C12orf43: variants seen among roughly 807,000 people sequenced by gnomAD.
C12orf43 encodes protein CUSTOS.
Under a neutral mutation model 20.6 loss-of-function variants are expected in C12orf43, and 15 were observed. That is an observed-to-expected ratio of 0.73 (90% CI 0.49 to 1.12). The LOEUF (loss-of-function observed/expected upper bound fraction) is 1.12, where lower values mean the gene tolerates loss of function less well. Ranked by LOEUF, C12orf43 falls within the 50% of genes most tolerant of loss-of-function variation. C12orf43 has a pLI of 0.00. For missense variants in C12orf43, 334 were observed against 344.4 expected (o/e 0.97, Z 0.24); for synonymous variants, 144 against 130.8 (o/e 1.10, Z -0.69).
In C12orf43 at chr12:121,004,234, T is replaced by C. The variant is rs1399941610; in HGVS notation, c.708A>G (p.Lys236=). Residue 236 remains lysine, a synonymous_variant, in exon 6 of 6, where the codon AAA becomes AAG. Transcript: ENST00000288757. This position sits in a 1 kb window ranked among gnomAD's most constrained non-coding sequence, Gnocchi z 5.6. ...LNGDQVSLGT[K]KKKKAKKASE... is the part of the protein sequence containing the mutation. The stretch of plus-strand genomic sequence containing the variant: ...TGGCCTTCTTTGCCTTTTTCTTCTT[T>C]TTGGTCCCAAGCGACACCTGGTCCC... 2 of 1,614,108 alleles carry C rather than the reference T, an allele frequency of 1.2e-6. No individual in the cohort carries two copies. Among genetic ancestry groups the C allele is most frequent in the African/African-American group, 2.7e-5 (2 of 74,928 alleles).
Position 121,004,933 on chromosome 12 carries a change from T to C in C12orf43, c.452+70A>G. On this transcript the variant is annotated intron_variant, in intron 5 of 5. Coordinates refer to ENST00000288757, the MANE Select transcript of C12orf43 (RefSeq NM_022895.3). This position sits in a 1 kb window ranked among gnomAD's most constrained non-coding sequence, Gnocchi z 5.6. ...GTCCTGACTGGAGTCTGCTTGGCTA[T>C]TCCAGGGAACCCACCAAGACAGAAG... The C allele has an allele frequency of 8.3e-7, 1 of 1,200,002 alleles. No homozygotes were observed. Among genetic ancestry groups the C allele is most frequent in the Non-Finnish European group, 1.1e-6 (1 of 894,654 alleles). The allele number at this position is 1,200,002 out of a possible 1,614,324, so 74.3% of individuals were successfully genotyped here.
Position 121,014,503 on chromosome 12 carries a change from G to A in C12orf43, c.145+1827C>T, listed in dbSNP as rs1157364207. On this transcript the variant is annotated intron_variant, in intron 1 of 5. Transcript: ENST00000288757. ...AAATTAGCTGGGCGTGGTGGCAGGCGCCTGTAATCCCAGCTACTAGGGAGG... is the reference window on the plus strand; with the variant it reads ...AAATTAGCTGGGCGTGGTGGCAGGCACCTGTAATCCCAGCTACTAGGGAGG... 3.4e-5 allele frequency among the ~76,000 whole-genome samples: 5 copies of A among 148,598 alleles called. No individual in the cohort carries two copies. The South Asian group carries it at 1.1e-3, about 32-fold the overall frequency.
At chr12:121,015,742 C>T (rs1868839410) in intron 1 of C12orf43, among the ~76,000 whole-genome samples, 1 of 152,154 alleles carries the variant, frequency 6.6e-6, no homozygotes, top group Non-Finnish European at 1.5e-5. Context: ...GATAAAGTAA[C>T]GGCATTGCCA....
At chr12:121,014,416 G>T (rs1393498551) in intron 1 of C12orf43, among the ~76,000 whole-genome samples, 2 of 151,354 alleles carry the variant, frequency 1.3e-5, no homozygotes, top group Non-Finnish European at 2.9e-5. Context: ...ATTGCCTGAG[G>T]TCTGGAGTTT....
intron 3 of C12orf43, among the ~76,000 whole-genome samples, chr12:121,010,355 T>C (rs983876079): frequency 6.6e-6 from 1 of 152,158 alleles, no homozygotes; most frequent in Non-Finnish European, 1.5e-5. Flanking sequence ...CAGACGCACT[T>C]GGGTTTGAGG....
intron 1 of C12orf43, among the ~76,000 whole-genome samples, chr12:121,012,849 T>TAAAAAA (rs10636003): frequency 0.056 from 5,096 of 91,212 alleles, 370 homozygotes; most frequent in Non-Finnish European, 0.084. Flanking sequence ...AGACTCCGTC[T>TAAAAAA]AAAAAAAAAA....
At chr12:121,014,415 G>C (rs1353881404) in intron 1 of C12orf43, among the ~76,000 whole-genome samples, 1 of 151,308 alleles carries the variant, frequency 6.6e-6, no homozygotes, top group African/African-American at 2.4e-5. Flanking sequence ...GATTGCCTGA[G>C]GTCTGGAGTT....
intron 1 of C12orf43, chr12:121,012,360 GC>G (rs1486612080): frequency 1.4e-6 from 1 of 701,782 alleles, no homozygotes; most frequent in Non-Finnish European, 2.6e-6. Flanking sequence ...CCTGACGTGG[GC>G]CAATGGGAGG....
In C12orf43 at chr12:121,000,926, G is replaced by A. The variant is rs1592900357; in HGVS notation, c.*3227C>T. On this transcript the variant is annotated 3_prime_UTR_variant, in exon 6 of 6. Coordinates refer to ENST00000288757, the MANE Select transcript of C12orf43 (RefSeq NM_022895.3). Reference sequence around the variant, plus strand: ...CCTTTGAAGAACCGAGGGTAGAGGTGTGACTTTGGGGTTCCTGTTATCTGC... The same window carrying A: ...CCTTTGAAGAACCGAGGGTAGAGGTATGACTTTGGGGTTCCTGTTATCTGC... The A allele has an allele frequency of 1.6e-6, 2 of 1,225,134 alleles. No individual in the cohort carries two copies. Among genetic ancestry groups the A allele is most frequent in the East Asian group, 2.4e-5 (1 of 41,664 alleles). The allele number at this position is 1,225,134 out of a possible 1,614,324, so 75.9% of individuals were successfully genotyped here. A position where few individuals can be genotyped will look rare whatever the true frequency, so the allele number is the denominator to read the frequency against.
chr12:121,015,067 G>A (rs1045475278), intron 1 of C12orf43, among the ~76,000 whole-genome samples: 1 of 152,164 alleles, frequency 6.6e-6, no homozygotes, highest in African/African-American at 2.4e-5. Context: ...GATGTGCCAA[G>A]CACTGTAGAT....
At position 121,001,008 on chromosome 12, in the gene C12orf43, AGGTGGGGTG is replaced by A; in HGVS notation, c.*3136_*3144del. On this transcript the variant is annotated 3_prime_UTR_variant, in exon 6 of 6. Transcript: ENST00000288757. ...ATCCTGAGTACCCCTAGGGACAGGC[AGGTGGGGTG>A]GGTGTGGGTGCCTGGTGGGTGGCTA... is the stretch of plus-strand genomic sequence containing the variant. 1 of 1,607,740 alleles carries A rather than the reference AGGTGGGGTG, an allele frequency of 6.2e-7. No individual in the cohort carries two copies. Among genetic ancestry groups the A allele is most frequent in the Non-Finnish European group, 8.5e-7 (1 of 1,178,780 alleles).
chr12:121,012,940 C>T (rs1868531729), intron 1 of C12orf43, among the ~76,000 whole-genome samples: 2 of 149,636 alleles, frequency 1.3e-5, no homozygotes, highest in Admixed American at 1.3e-4. Context: ...AAAGTTAGCT[C>T]TGAGGTTTCT....
At chr12:121,008,337 G>A (rs1223694505) in intron 3 of C12orf43, among the ~76,000 whole-genome samples, 1 of 152,158 alleles carries the variant, frequency 6.6e-6, no homozygotes, top group Non-Finnish European at 1.5e-5. Flanking sequence ...GTCTCACCAT[G>A]TTGGCCAGGC....
In C12orf43 at chr12:121,002,448, G is replaced by A; in HGVS notation, c.*1705C>T. On this transcript the variant is annotated 3_prime_UTR_variant, in exon 6 of 6. Transcript: ENST00000288757. ...GACCCGGCACCCCCTGCAGCTTGTA[G>A]CCAGCCGGGGCGAGTGGCACGTTTA... is the stretch of plus-strand genomic sequence containing the variant. 1 of 530,286 alleles carries A rather than the reference G, an allele frequency of 1.9e-6. No homozygotes were observed. Among genetic ancestry groups the A allele is most frequent in the Non-Finnish European group, 3.7e-6 (1 of 272,846 alleles). 32.8% of individuals were successfully genotyped at this position (530,286 alleles called of 1,614,324 possible). A position where few individuals can be genotyped will look rare whatever the true frequency, so the allele number is the denominator to read the frequency against.
At chr12:121,010,736 G>T in intron 3 of C12orf43, 92 bp downstream of exon 3, 1 of 970,334 alleles carries the variant, frequency 1.0e-6, no homozygotes, top group Non-Finnish European at 1.5e-6. Context: ...CTGCCACCGT[G>T]CCAGCCTGGA....
rs1294205658 is a variant in C12orf43, at chr12:121,004,003, CA to C, written c.*149del. 1 of 871,236 alleles carries C rather than the reference CA, an allele frequency of 1.1e-6. No individual in the cohort carries two copies. Among genetic ancestry groups the C allele is most frequent in the Admixed American group, 2.1e-5 (1 of 47,254 alleles). 54.0% of individuals were successfully genotyped at this position (871,236 alleles called of 1,614,324 possible). A position where few individuals can be genotyped will look rare whatever the true frequency, so the allele number is the denominator to read the frequency against. ...TTGGCCCAACTCTCGAGCAAGCCTT[CA>C]TCACCATCAGGGTCTCATGGGCAGT... On this transcript the variant is annotated 3_prime_UTR_variant, in exon 6 of 6. Coordinates refer to ENST00000288757, the MANE Select transcript of C12orf43 (RefSeq NM_022895.3). This position sits in a 1 kb window ranked among gnomAD's most constrained non-coding sequence, Gnocchi z 5.6.
chr12:121,014,927 T>C (rs937385831), intron 1 of C12orf43, among the ~76,000 whole-genome samples: 7 of 151,808 alleles, frequency 4.6e-5, no homozygotes, highest in Non-Finnish European at 1.0e-4. Flanking sequence ...TGAGCCATGA[T>C]TGTGTCAGCC....
chr12:121,006,077 G>A (rs1877990250), intron 4 of C12orf43: 2 of 455,448 alleles, frequency 4.4e-6, no homozygotes, highest in East Asian at 7.8e-5. Flanking sequence ...TTAGCCAGGG[G>A]TGGTGGTGTG....
chr12:121,005,915 TA>T lies in C12orf43; in HGVS notation c.361+405del, dbSNP rs200032332. The T allele has an allele frequency of 1.1e-3, 184 of 170,668 alleles. No homozygotes were observed. The highest frequency in any genetic ancestry group is 2.7e-3 in the Middle Eastern group (1 of 368). The allele number at this position is 170,668 out of a possible 1,614,324, so 10.6% of individuals were successfully genotyped here. Reference sequence around the variant, plus strand: ...GGGCAACATGACAGAACCCTGTCTCTAAAAAAAAATACAAAAATTAGCCAGG... The same window carrying T: ...GGGCAACATGACAGAACCCTGTCTCTAAAAAAAATACAAAAATTAGCCAGG... On this transcript the variant is annotated intron_variant, in intron 4 of 5. Transcript: ENST00000288757. This position sits in a 1 kb window ranked among gnomAD's most constrained non-coding sequence, Gnocchi z 5.6.
Sources: gnomAD v4.1 joint callset for allele counts (sites outside exome capture counted in the v4.1 genomes callset) on GRCh38, gnomAD v4.1.1 for gene constraint, Gnocchi (gnomAD v3.1) non-coding constraint, MANE v1.5 for transcripts, NCBI Gene and HGNC (gene_info 2026-07-23, HGNC 2026-07-21) for gene names.